MTHFD1L: variants seen among roughly 807,000 people sequenced by gnomAD.
MTHFD1L encodes monofunctional C1-tetrahydrofolate synthase, mitochondrial.
A neutral mutation model predicts 119.5 loss-of-function variants in MTHFD1L; 81 were observed. That is an observed-to-expected ratio of 0.68 (90% confidence interval 0.57 to 0.82). The LOEUF is 0.82. Ranked by LOEUF, MTHFD1L falls within the 40% of genes least tolerant of loss-of-function variation. The pLI, the probability that MTHFD1L is intolerant of heterozygous loss-of-function variation, is 0.00. For missense variants in MTHFD1L, 1,125 were observed against 1,253.4 expected (o/e 0.90, Z 1.55); for synonymous variants, 430 against 475.2 (o/e 0.90, Z 1.24).
chr6:151,096,622 G>A (rs1466056084), intron 27 of MTHFD1L, among the ~76,000 whole-genome samples: 1 of 152,176 alleles, frequency 6.6e-6, no homozygotes, highest in African/African-American at 2.4e-5. Flanking sequence ...ACAAACGTGG[G>A]CATCTGAAAG....
At chr6:150,976,917 A>G (rs866698710) in intron 20 of MTHFD1L, among the ~76,000 whole-genome samples, 12 of 152,360 alleles carry the variant, frequency 7.9e-5, no homozygotes, top group African/African-American at 2.4e-4. Context: ...ATGATTTAGC[A>G]ATTTCACTTC....
At chr6:151,036,095 C>A (rs1003433290) in intron 25 of MTHFD1L, among the ~76,000 whole-genome samples, 1 of 152,120 alleles carries the variant, frequency 6.6e-6, no homozygotes, top group Admixed American at 6.5e-5. Flanking sequence ...GATTTCATTC[C>A]CTTTATCTCT....
Position 150,873,418 on chromosome 6 carries a change from A to C in MTHFD1L, c.228-2672A>C, listed in dbSNP as rs2128731679. 1.3e-5 allele frequency among the ~76,000 whole-genome samples: 2 copies of C among 152,328 alleles called. 1 individual carries two copies. Among genetic ancestry groups the C allele is most frequent in the East Asian group, 3.9e-4 (2 of 5,182 alleles). ...TTAGTAAGAATGTTTTTAGTGTTTA[A>C]GGGTAGCTTTGGGGCACAGAAAAAA... On this transcript the variant is annotated intron_variant, in intron 1 of 27. Transcript: ENST00000367321.
intron 20 of MTHFD1L, among the ~76,000 whole-genome samples, chr6:150,988,536 A>G (rs1159903420): frequency 6.7e-6 from 1 of 148,828 alleles, no homozygotes; most frequent in Non-Finnish European, 1.5e-5. Context: ...CATTTAGTGT[A>G]TCTTTCTATG....
chr6:150,905,036 C>CTTTTTTTTTTTTTTTTTTTTTTTTTTTT, intron 7 of MTHFD1L, among the ~76,000 whole-genome samples: 1 of 111,728 alleles, frequency 9.0e-6, no homozygotes, highest in Non-Finnish European at 1.7e-5. Flanking sequence ...TTGTTTTCCT[C>CTTTTTTTTTTTTTTTTTTTTTTTTTTTT]TTTTTTTTTT....
chr6:150,956,074 A>C lies in MTHFD1L; in HGVS notation c.1803+3A>C. 6.2e-7 allele frequency: 1 copy of C among 1,613,386 alleles called. No homozygotes were observed. The highest frequency in any genetic ancestry group is 2.2e-5 in the East Asian group (1 of 44,874). ...CAGAGAAGGGCCATTACCGGCAGGT[A>C]GGTGGTGCTTTCTTCCCGGGTGTGG... On this transcript the variant is annotated splice_donor_region_variant and intron_variant, in intron 17 of 27. Coordinates refer to ENST00000367321, the MANE Select transcript of MTHFD1L (RefSeq NM_015440.5).
chr6:150,934,516 G>A (rs1791715033), intron 11 of MTHFD1L, among the ~76,000 whole-genome samples: 1 of 152,194 alleles, frequency 6.6e-6, no homozygotes, highest in South Asian at 2.1e-4. Flanking sequence ...AGTCTGACTG[G>A]ATCATCATTT....
rs146337446 is a variant in MTHFD1L at position 151,074,833 on chromosome 6, A to G, written c.2848-17634A>G. Among the ~76,000 whole-genome samples, 400 of 152,320 alleles carry G rather than the reference A, an allele frequency of 2.6e-3. 1 individual carries two copies. The highest frequency in any genetic ancestry group is 9.1e-3 in the African/African-American group (378 of 41,568). ...GCCAAGGTGTGTAGGAGGCTATACC[A>G]TCTAGGTTTGCAAGTACACTGTATG... On this transcript the variant is annotated intron_variant, in intron 26 of 27. Coordinates refer to ENST00000367321, the MANE Select transcript of MTHFD1L (RefSeq NM_015440.5).
Position 151,036,965 on chromosome 6 carries a change from G to A in MTHFD1L, c.2695G>A (p.Gly899Ser), listed in dbSNP as rs1786273757. ...QAKIDRYTQQ[G>S]FGNLPICMAK... is the part of the protein sequence containing the mutation. Reference sequence around the variant, plus strand: ...ACACATTTTCTTTCCTTTCTCACAGGGTTTTGGAAATTTGCCCATCTGCAT... The same window carrying A: ...ACACATTTTCTTTCCTTTCTCACAGAGTTTTGGAAATTTGCCCATCTGCAT... The change falls in exon 26 of 28, where the codon GGT becomes AGT. Residue 899 changes from glycine to serine, a missense_variant and splice_region_variant. Physicochemically the swap from Gly to Ser is moderately conservative, Grantham distance 56. Around this residue, in one of 3 missense-constraint regions of MTHFD1L, gnomAD observed 1,058 missense variants for 1,151.2 expected, o/e 0.92. Coordinates refer to ENST00000367321, the MANE Select transcript of MTHFD1L (RefSeq NM_015440.5). 1 of 1,611,774 alleles carries A rather than the reference G, an allele frequency of 6.2e-7. No homozygotes were observed. The highest frequency in any genetic ancestry group is 1.1e-5 in the South Asian group (1 of 90,982).
chr6:151,004,196 G>A (rs1421498542), intron 20 of MTHFD1L, among the ~76,000 whole-genome samples: 1 of 151,700 alleles, frequency 6.6e-6, no homozygotes, highest in East Asian at 1.9e-4. Context: ...CAAAAATCAC[G>A]CTCCTGTAAT....
chr6:150,936,513 T>C (rs763590919), intron 11 of MTHFD1L, among the ~76,000 whole-genome samples: 50 of 152,240 alleles, frequency 3.3e-4, no homozygotes, highest in Non-Finnish European at 5.9e-5. Flanking sequence ...AGCTGAATTA[T>C]TTAAACCATT....
At chr6:151,100,477 A>G (rs1173960377) in intron 27 of MTHFD1L, among the ~76,000 whole-genome samples, 2 of 152,008 alleles carry the variant, frequency 1.3e-5, no homozygotes, top group Non-Finnish European at 2.9e-5. Context: ...CAGACCTCTC[A>G]GTGATCTGTG....
At chr6:151,099,641 G>A (rs1331637587) in intron 27 of MTHFD1L, 3 of 1,605,614 alleles carry the variant, frequency 1.9e-6, no homozygotes, top group Non-Finnish European at 2.6e-6. Context: ...TGGAAACCCA[G>A]AGGCATTGAC....
intron 20 of MTHFD1L, among the ~76,000 whole-genome samples, chr6:151,001,048 C>T (rs533922426): frequency 1.2e-3 from 183 of 152,260 alleles, no homozygotes; most frequent in African/African-American, 4.0e-3. Flanking sequence ...ACGCCCCGTG[C>T]GCTCATATTT....
intron 8 of MTHFD1L, among the ~76,000 whole-genome samples, chr6:150,907,039 A>G (rs1786043089): frequency 6.6e-6 from 1 of 151,158 alleles, no homozygotes; most frequent in African/African-American, 2.4e-5. Context: ...AGCCTAACCT[A>G]TTAATAGTGG....
At chr6:150,935,045 G>A (rs568337474) in intron 11 of MTHFD1L, 1 of 1,613,472 alleles carries the variant, frequency 6.2e-7, no homozygotes, top group African/African-American at 1.3e-5. Context: ...TGTTATTCTG[G>A]GTTTGGACTG....
chr6:150,982,840 C>T (rs1777733503), intron 20 of MTHFD1L, among the ~76,000 whole-genome samples: 1 of 152,096 alleles, frequency 6.6e-6, no homozygotes, highest in African/African-American at 2.4e-5. Flanking sequence ...GCTGGGCTTA[C>T]AGGTGCACAC....
intron 26 of MTHFD1L, among the ~76,000 whole-genome samples, chr6:151,061,602 C>A (rs976298051): frequency 1.3e-5 from 2 of 152,180 alleles, no homozygotes; most frequent in African/African-American, 4.8e-5. Flanking sequence ...CATGTTGGAT[C>A]TGAAGCATTT....
At chr6:151,100,281 C>T (rs1402717964) in intron 27 of MTHFD1L, among the ~76,000 whole-genome samples, 1 of 152,064 alleles carries the variant, frequency 6.6e-6, no homozygotes, top group Non-Finnish European at 1.5e-5. Context: ...CGTGATCCAC[C>T]CGTGAGCCAC....
Sources: gnomAD v4.1 joint callset for allele counts (sites outside exome capture counted in the v4.1 genomes callset) on GRCh38, gnomAD v4.1.1 for gene constraint, gnomAD v4.1.1 regional missense constraint, MANE v1.5 for transcripts, NCBI Gene and HGNC (gene_info 2026-07-23, HGNC 2026-07-21) for gene names.